MAN1A2: variants seen among roughly 807,000 people sequenced by gnomAD.
The protein encoded by MAN1A2 is mannosidase alpha class 1A member 2, also known as mannosyl-oligosaccharide 1,2-alpha-mannosidase IB.
In MAN1A2, 26 loss-of-function variants were observed where a neutral mutation model predicts 75.7. The observed-to-expected ratio is 0.34, with a 90% CI of 0.25 to 0.48. The LOEUF is 0.48. MAN1A2 is among the 20% of genes least tolerant of loss of function. The pLI is 0.99. For missense variants in MAN1A2, 562 were observed against 775.5 expected (o/e 0.72, Z 3.27); for synonymous variants, 247 against 264.6 (o/e 0.93, Z 0.65).
intron 12 of MAN1A2, among the ~76,000 whole-genome samples, chr1:117,504,986 A>G (rs1454648846): frequency 4.6e-5 from 7 of 151,458 alleles, no homozygotes; most frequent in Non-Finnish European, 7.4e-5. Context: ...ATATTTGATT[A>G]TTGTCATGTA....
intron 1 of MAN1A2, among the ~76,000 whole-genome samples, chr1:117,376,178 G>A (rs1653132455): frequency 6.6e-6 from 1 of 152,218 alleles, no homozygotes; most frequent in African/African-American, 2.4e-5. Flanking sequence ...CCAAAGTGCT[G>A]GGATTACAGG....
chr1:117,460,404 C>A, intron 6 of MAN1A2, 85 bp from the exon 7 acceptor site: 1 of 826,300 alleles, frequency 1.2e-6, no homozygotes, highest in Admixed American at 2.6e-5. Flanking sequence ...TATAAGAGAT[C>A]TATTTAAAAT....
intron 6 of MAN1A2, among the ~76,000 whole-genome samples, chr1:117,452,862 C>T (rs367748381): frequency 0.025 from 3,110 of 126,154 alleles, 39 homozygotes; most frequent in Non-Finnish European, 0.04. Context: ...AAGAAGATGC[C>T]ATCTCATAGC....
Position 117,496,824 on chromosome 1 carries a change from A to C in MAN1A2, c.1346A>C (p.Lys449Thr). The change falls in exon 10 of 13, where the codon AAG becomes ACG. Residue 449 changes from lysine (K) to threonine (T), a missense_variant. Physicochemically the swap from Lys to Thr is moderately conservative, Grantham distance 78 (BLOSUM62 -1). This residue lies in a region of MAN1A2 where 434 missense variants were observed against 645.7 expected (regional missense o/e 0.67). Coordinates refer to ENST00000356554, the MANE Select transcript of MAN1A2 (RefSeq NM_006699.5). ...RGGLTFIGEW[K>T]NGHLEKKMGH... ...GGTCTTACCTTTATTGGAGAATGGA[A>C]GAATGGGCACTTGGAAAAAAAGATG... 1 of 1,612,776 alleles carries C rather than the reference A, an allele frequency of 6.2e-7. No individual in the cohort carries two copies. Among genetic ancestry groups the C allele is most frequent in the Non-Finnish European group, 8.5e-7 (1 of 1,179,196 alleles).
intron 5 of MAN1A2, among the ~76,000 whole-genome samples, chr1:117,431,381 A>T (rs1648654103): frequency 6.6e-6 from 1 of 152,118 alleles, no homozygotes; most frequent in South Asian, 2.1e-4. Flanking sequence ...TTCCTTTTTA[A>T]TTTTTTATTA....
At chr1:117,509,604 T>A (rs1455109558) in intron 12 of MAN1A2, among the ~76,000 whole-genome samples, 1 of 151,968 alleles carries the variant, frequency 6.6e-6, no homozygotes, top group Non-Finnish European at 1.5e-5. Context: ...GTTTAGTGTT[T>A]GAGTTAGAAC....
At chr1:117,501,949 A>G (rs1651214344) in intron 11 of MAN1A2, among the ~76,000 whole-genome samples, 1 of 151,824 alleles carries the variant, frequency 6.6e-6, no homozygotes, top group Non-Finnish European at 1.5e-5. Flanking sequence ...GATTGGTTGA[A>G]TTCTGGACTG....
In MAN1A2 at chr1:117,525,785, A is replaced by AT. The variant is rs1651999204; in HGVS notation, c.*2829dup. The AT allele has an allele frequency of 6.6e-6, 1 of 151,534 alleles. No homozygotes were observed. Among genetic ancestry groups the AT allele is most frequent in the Non-Finnish European group, 1.5e-5 (1 of 67,718 alleles). The allele number at this position is 151,534 out of a possible 1,614,324, so 9.4% of individuals were successfully genotyped here. ...GTATTAAGTTGTTAAAACCAAGGGA[A>AT]TGGGGCCCTAACCAAAAAGAAGTCT... is the stretch of plus-strand genomic sequence containing the variant. On this transcript the variant is annotated 3_prime_UTR_variant, in exon 13 of 13. Transcript: ENST00000356554.
intron 12 of MAN1A2, 25 bp downstream of exon 12, chr1:117,502,995 T>C: frequency 8.0e-7 from 1 of 1,254,738 alleles, no homozygotes; most frequent in Non-Finnish European, 1.1e-6. Context: ...TTAAAAAATA[T>C]TTTTATACTA....
intron 1 of MAN1A2, among the ~76,000 whole-genome samples, chr1:117,377,688 T>C (rs969753657): frequency 2.6e-5 from 4 of 151,842 alleles, no homozygotes; most frequent in Admixed American, 1.3e-4. Flanking sequence ...TTTGTTTTTT[T>C]GTGTTCGTTT....
intron 1 of MAN1A2, among the ~76,000 whole-genome samples, chr1:117,373,186 A>G (rs1408080577): frequency 9.9e-5 from 15 of 152,060 alleles, no homozygotes; most frequent in Admixed American, 9.2e-4. Flanking sequence ...TTACAAGAGT[A>G]GAGATTTCAA....
intron 6 of MAN1A2, among the ~76,000 whole-genome samples, chr1:117,458,469 GAATAT>G (rs1222340198): frequency 7.4e-6 from 1 of 135,272 alleles, no homozygotes; most frequent in East Asian, 2.0e-4. Flanking sequence ...GAATACAAGT[GAATAT>G]AAGATGAGAA....
At chr1:117,373,483 TG>T (rs1174631120) in intron 1 of MAN1A2, among the ~76,000 whole-genome samples, 4 of 142,872 alleles carry the variant, frequency 2.8e-5, no homozygotes, top group African/African-American at 5.4e-5. Context: ...TTGCTGCATT[TG>T]TTTTTTTTTT....
intron 8 of MAN1A2, among the ~76,000 whole-genome samples, chr1:117,492,477 C>T (rs1650911425): frequency 6.6e-6 from 1 of 152,008 alleles, no homozygotes; most frequent in Non-Finnish European, 1.5e-5. Context: ...TACTGGGAAA[C>T]CAAAAAGTTT....
chr1:117,454,262 A>T (rs1450839751), intron 6 of MAN1A2, among the ~76,000 whole-genome samples: 1 of 152,184 alleles, frequency 6.6e-6, no homozygotes, highest in African/African-American at 2.4e-5. Context: ...AATTTTTCAG[A>T]TTTGTTAAAC....
intron 1 of MAN1A2, among the ~76,000 whole-genome samples, chr1:117,384,411 A>G (rs918021952): frequency 2.6e-5 from 4 of 151,838 alleles, no homozygotes; most frequent in Non-Finnish European, 4.4e-5. Context: ...ATGATTTTTC[A>G]TTTTCCTTCT....
In MAN1A2 at chr1:117,525,105, G is replaced by A; in HGVS notation, c.*2148G>A. 1 of 528,890 alleles carries A rather than the reference G, an allele frequency of 1.9e-6. No homozygotes were observed. Among genetic ancestry groups the A allele is most frequent in the South Asian group, 1.4e-5 (1 of 70,226 alleles). The allele number at this position is 528,890 out of a possible 1,614,324, so 32.8% of individuals were successfully genotyped here. A position where few individuals can be genotyped will look rare whatever the true frequency, so the allele number is the denominator to read the frequency against. Reference sequence around the variant, plus strand: ...GTTCTGCAGGAACTTCTCAAGGGATGAGGAGACAGAACCCCTACTTCCAAG... The same window carrying A: ...GTTCTGCAGGAACTTCTCAAGGGATAAGGAGACAGAACCCCTACTTCCAAG... On this transcript the variant is annotated 3_prime_UTR_variant, in exon 13 of 13. Transcript: ENST00000356554.
chr1:117,402,922 G>T (rs1349436697), intron 2 of MAN1A2, among the ~76,000 whole-genome samples: 1 of 152,030 alleles, frequency 6.6e-6, no homozygotes, highest in African/African-American at 2.4e-5. Context: ...CTTCCAAAAA[G>T]TCTCCATGGA....
At chr1:117,387,055 G>A (rs1653551354) in intron 1 of MAN1A2, among the ~76,000 whole-genome samples, 1 of 151,750 alleles carries the variant, frequency 6.6e-6, no homozygotes, top group South Asian at 2.1e-4. Flanking sequence ...CAAAAAACCT[G>A]GTTTAAAAAT....
Sources: gnomAD v4.1 joint callset for allele counts (sites outside exome capture counted in the v4.1 genomes callset) on GRCh38, gnomAD v4.1.1 for gene constraint, gnomAD v4.1.1 regional missense constraint, MANE v1.5 for transcripts, NCBI Gene and HGNC (gene_info 2026-07-23, HGNC 2026-07-21) for gene names.